The following RBM47 variants were observed in gnomAD, a reference collection of about 807,000 sequenced individuals.
RBM47 encodes RNA binding motif protein 47, also known as RNA-binding protein 47.
In RBM47, 21 loss-of-function variants were observed where a neutral mutation model predicts 47.1. The observed-to-expected ratio is 0.45, with a 90% CI of 0.32 to 0.64. The LOEUF is 0.64. Ranked by LOEUF, RBM47 falls within the 30% of genes least tolerant of loss-of-function variation. The pLI, the probability that RBM47 is intolerant of heterozygous loss-of-function variation, is 0.05. For missense variants in RBM47, 708 were observed against 870.9 expected, an observed-to-expected ratio of 0.81 and a Z score of 2.35; for synonymous variants, 375 against 361.7, an observed-to-expected ratio of 1.04 and a Z score of -0.42.
At position 40,475,258 on chromosome 4, in the gene RBM47, CTTATT is replaced by C. The variant is rs1480469714; in HGVS notation, c.-154-8564_-154-8560del. ...ATAAAGCTAATTCCATTAATTTTTC[CTTATT>C]TTAATTATCACATCTTAAAATTATA... On this transcript the variant is annotated intron_variant, in intron 2 of 6. Coordinates refer to ENST00000295971, the MANE Select transcript of RBM47 (RefSeq NM_001098634.2). 7.2e-5 allele frequency among the ~76,000 whole-genome samples: 11 copies of C among 152,082 alleles called. No homozygotes were observed. The East Asian group carries it at 2.1e-3, about 29-fold the overall frequency.
intron 1 of RBM47, among the ~76,000 whole-genome samples, chr4:40,605,381 G>A (rs891703147): frequency 1.3e-5 from 2 of 152,104 alleles, no homozygotes; most frequent in African/African-American, 4.8e-5. Flanking sequence ...AGCACAGACT[G>A]AACCCCAGTT....
At chr4:40,534,931 T>C (rs1241122053) in intron 2 of RBM47, among the ~76,000 whole-genome samples, 5 of 133,246 alleles carry the variant, frequency 3.8e-5, no homozygotes, top group African/African-American at 1.3e-4. Context: ...CAAGACTCCG[T>C]CTCAGAAAAA....
At chr4:40,478,118 C>T (rs991458750) in intron 2 of RBM47, among the ~76,000 whole-genome samples, 5 of 147,442 alleles carry the variant, frequency 3.4e-5, no homozygotes, top group Non-Finnish European at 7.4e-5. Context: ...TGGGTTCAAG[C>T]GATTCTCCTG....
chr4:40,594,615 T>A (rs1480376302), intron 1 of RBM47, among the ~76,000 whole-genome samples: 1 of 152,192 alleles, frequency 6.6e-6, no homozygotes. Context: ...GCCACTCTCT[T>A]GTCTCTGTTC....
intron 2 of RBM47, among the ~76,000 whole-genome samples, chr4:40,475,392 A>T (rs893751622): frequency 4.6e-5 from 7 of 152,258 alleles, no homozygotes; most frequent in African/African-American, 1.4e-4. Context: ...AATAACAGGA[A>T]ACTATAAAAC....
intron 2 of RBM47, among the ~76,000 whole-genome samples, chr4:40,497,728 C>CT (rs1722799445): frequency 6.7e-6 from 1 of 150,284 alleles, no homozygotes; most frequent in Non-Finnish European, 1.5e-5. Context: ...AGTCCCAGTA[C>CT]TTTAGGAGGC....
rs1341926357 is a variant in RBM47, at chr4:40,499,195, G to T, written c.-154-32496C>A. 2.0e-5 allele frequency among the ~76,000 whole-genome samples: 3 copies of T among 152,160 alleles called. No homozygotes were observed. The East Asian group carries it at 5.8e-4, about 29-fold the overall frequency. On this transcript the variant is annotated intron_variant, in intron 2 of 6. Transcript: ENST00000295971. ...ATTCCCTCTAAACTTCAATATGTTTGTAATTTTTAAAAAACAAAACCAATT... is the reference window on the plus strand; with the variant it reads ...ATTCCCTCTAAACTTCAATATGTTTTTAATTTTTAAAAAACAAAACCAATT...
chr4:40,443,320 C>A (rs76931674), intron 3 of RBM47, among the ~76,000 whole-genome samples: 3,048 of 151,832 alleles, frequency 0.02, 51 homozygotes, highest in Middle Eastern at 0.031. Flanking sequence ...TATAATATAC[C>A]ACAGTAAAAA....
At chr4:40,571,300 G>A (rs1470082005) in intron 1 of RBM47, among the ~76,000 whole-genome samples, 1 of 152,002 alleles carries the variant, frequency 6.6e-6, no homozygotes, top group Non-Finnish European at 1.5e-5. Context: ...CCAGATATAT[G>A]TTCAAGTATA....
chr4:40,578,269 TC>T (rs1732524713), intron 1 of RBM47, among the ~76,000 whole-genome samples: 1 of 148,496 alleles, frequency 6.7e-6, no homozygotes, highest in Non-Finnish European at 1.5e-5. Flanking sequence ...TCTCCTGTTG[TC>T]CCATTCCTTA....
chr4:40,592,454 C>G (rs955905286), intron 1 of RBM47, among the ~76,000 whole-genome samples: 15 of 145,738 alleles, frequency 1.0e-4, no homozygotes, highest in Non-Finnish European at 1.9e-4. Flanking sequence ...GACAGAGTTT[C>G]GCTCTTGTTG....
At chr4:40,618,539 A>G (rs890778486) in intron 1 of RBM47, among the ~76,000 whole-genome samples, 2 of 152,088 alleles carry the variant, frequency 1.3e-5, no homozygotes, top group African/African-American at 4.8e-5. Context: ...AGCTGGGGGT[A>G]GTGGCTCACA....
rs1714630601 is a variant in RBM47 at position 40,423,619 on chromosome 4, C to T, written c.*2285G>A. On this transcript the variant is annotated 3_prime_UTR_variant, in exon 7 of 7. Transcript: ENST00000295971. ...TGTTTTTAAGGGAGTTTGGTGGTTG[C>T]CATGTTATCATTTTTTTTTATTCTT... is the stretch of plus-strand genomic sequence containing the variant. 1 of 150,912 alleles carries T rather than the reference C, an allele frequency of 6.6e-6. No homozygotes were observed. Among genetic ancestry groups the T allele is most frequent in the Non-Finnish European group, 1.5e-5 (1 of 67,698 alleles). 9.3% of individuals were successfully genotyped at this position (150,912 alleles called of 1,614,324 possible). A position where few individuals can be genotyped will look rare whatever the true frequency, so the allele number is the denominator to read the frequency against.
intron 3 of RBM47, among the ~76,000 whole-genome samples, chr4:40,463,408 T>C (rs1717464330): frequency 6.6e-6 from 1 of 152,186 alleles, no homozygotes; most frequent in South Asian, 2.1e-4. Flanking sequence ...CTGGAACCCT[T>C]GTGCACTGCT....
intron 2 of RBM47, among the ~76,000 whole-genome samples, chr4:40,526,285 C>T (rs1726697631): frequency 6.6e-6 from 1 of 152,162 alleles, no homozygotes. Flanking sequence ...AGCCGAGGGT[C>T]CCCATCTACT....
chr4:40,449,245 A>T (rs1560373879), intron 3 of RBM47, among the ~76,000 whole-genome samples: 1 of 152,170 alleles, frequency 6.6e-6, no homozygotes. Flanking sequence ...CTTGCTACTG[A>T]AAAGCATGGC....
At chr4:40,613,746 A>G (rs1736440576) in intron 1 of RBM47, among the ~76,000 whole-genome samples, 1 of 151,850 alleles carries the variant, frequency 6.6e-6, no homozygotes, top group Non-Finnish European at 1.5e-5. Flanking sequence ...TGCTTGAACC[A>G]GGAGTTCAAG....
chr4:40,578,274 T>C (rs1464773593), intron 1 of RBM47, among the ~76,000 whole-genome samples: 1 of 146,694 alleles, frequency 6.8e-6, no homozygotes, highest in Non-Finnish European at 1.5e-5. Context: ...TGTTGTCCCA[T>C]TCCTTACAAA....
rs1184202201 is a variant in RBM47, at chr4:40,425,869, GT to G, written c.*34del. On this transcript the variant is annotated 3_prime_UTR_variant, in exon 7 of 7. Coordinates refer to ENST00000295971, the MANE Select transcript of RBM47 (RefSeq NM_001098634.2). ...AATAGTCAAGCGTTCCTTCAGTGGTGTTTGTGTGGTCTGTCTTCGTGCTGGT... is the reference window on the plus strand; with the variant it reads ...AATAGTCAAGCGTTCCTTCAGTGGTGTTGTGTGGTCTGTCTTCGTGCTGGT... 6.2e-7 allele frequency: 1 copy of G among 1,604,200 alleles called. No individual in the cohort carries two copies. Among genetic ancestry groups the G allele is most frequent in the Non-Finnish European group, 8.5e-7 (1 of 1,172,342 alleles).
Sources: gnomAD v4.1 joint callset for allele counts (sites outside exome capture counted in the v4.1 genomes callset) on GRCh38, gnomAD v4.1.1 for gene constraint, MANE v1.5 for transcripts, NCBI Gene and HGNC (gene_info 2026-07-23, HGNC 2026-07-21) for gene names.